CDC73: variants seen among roughly 807,000 people sequenced by gnomAD.
CDC73 encodes the protein parafibromin.
In CDC73, 21 loss-of-function variants were observed where a neutral mutation model predicts 83.7. The observed-to-expected ratio is 0.25, with a 90% CI of 0.18 to 0.36. The LOEUF is 0.36. CDC73 is among the 10% of genes least tolerant of loss of function. The pLI is 1.00. For missense variants in CDC73, 342 were observed against 653.3 expected (o/e 0.52, Z 5.19); for synonymous variants, 224 against 212.9 (o/e 1.05, Z -0.45).
Position 193,250,886 on chromosome 1 carries a change from T to C in CDC73, c.*174T>C. Reference sequence around the variant, plus strand: ...AAGCAAACTTTTTGGCTTACAACTATTTTTTTAATATTAGCCTTCTAGTCT... The same window carrying C: ...AAGCAAACTTTTTGGCTTACAACTACTTTTTTAATATTAGCCTTCTAGTCT... On this transcript the variant is annotated 3_prime_UTR_variant, in exon 17 of 17. Transcript: ENST00000367435. 1 of 622,250 alleles carries C rather than the reference T, an allele frequency of 1.6e-6. No homozygotes were observed. Among genetic ancestry groups the C allele is most frequent in the East Asian group, 2.8e-5 (1 of 35,976 alleles). 38.5% of individuals were successfully genotyped at this position (622,250 alleles called of 1,614,324 possible). A position where few individuals can be genotyped will look rare whatever the true frequency, so the allele number is the denominator to read the frequency against.
chr1:193,200,023 T>G (rs1250737399), intron 10 of CDC73, among the ~76,000 whole-genome samples: 1 of 151,134 alleles, frequency 6.6e-6, no homozygotes, highest in East Asian at 1.9e-4. Flanking sequence ...GCTCAGGAGT[T>G]TGATACCAGC....
chr1:193,137,165 A>G (rs1055943287), intron 5 of CDC73, among the ~76,000 whole-genome samples: 1 of 152,240 alleles, frequency 6.6e-6, no homozygotes, highest in African/African-American at 2.4e-5. Context: ...CTTTAAAATC[A>G]GTAGTAAGGA....
In CDC73 at chr1:193,122,156, C is replaced by T. The variant is rs778675107; in HGVS notation, c.-45C>T. The T allele has an allele frequency of 6.3e-7, 1 of 1,593,726 alleles. No homozygotes were observed. On this transcript the variant is annotated 5_prime_UTR_variant, in exon 1 of 17. Coordinates refer to ENST00000367435, the MANE Select transcript of CDC73 (RefSeq NM_024529.5). ...CAAGAGAAGAAGGAGGCAGGCGCGG[C>T]GGCAGCGGCGGCGCCCCGAGCCGGC...
chr1:193,234,905 T>TG (rs1308306649), intron 14 of CDC73, among the ~76,000 whole-genome samples: 6 of 7,964 alleles, frequency 7.5e-4, no homozygotes, highest in Admixed American at 4.7e-3. Context: ...AGATTTTTTT[T>TG]AATTTTTTAT....
intron 15 of CDC73, among the ~76,000 whole-genome samples, chr1:193,236,573 A>C (rs1031047595): frequency 1.3e-5 from 2 of 152,162 alleles, no homozygotes; most frequent in African/African-American, 2.4e-5. Flanking sequence ...TGCCTATCCC[A>C]CAACATTACT....
intron 6 of CDC73, among the ~76,000 whole-genome samples, chr1:193,140,118 T>G (rs1675879483): frequency 6.6e-6 from 1 of 152,134 alleles, no homozygotes; most frequent in Non-Finnish European, 1.5e-5. Flanking sequence ...CTACATGGGT[T>G]CTCCTCCCAA....
At chr1:193,148,993 AC>A (rs1414914529) in intron 8 of CDC73, among the ~76,000 whole-genome samples, 1 of 152,150 alleles carries the variant, frequency 6.6e-6, no homozygotes, top group Non-Finnish European at 1.5e-5. Flanking sequence ...AGCCTTTGCA[AC>A]TACTTTGTAG....
intron 13 of CDC73, among the ~76,000 whole-genome samples, chr1:193,219,114 G>A (rs530695728): frequency 3.9e-5 from 6 of 152,244 alleles, no homozygotes; most frequent in African/African-American, 1.4e-4. Context: ...TATACACATG[G>A]CCAACAAACA....
At chr1:193,211,324 G>T (rs967574557) in intron 11 of CDC73, among the ~76,000 whole-genome samples, 2 of 152,198 alleles carry the variant, frequency 1.3e-5, no homozygotes, top group African/African-American at 4.8e-5. Flanking sequence ...AAAGGCAAAA[G>T]TAGCACGAAT....
intron 10 of CDC73, among the ~76,000 whole-genome samples, chr1:193,173,034 A>G (rs1333370474): frequency 1.3e-5 from 2 of 152,176 alleles, no homozygotes; most frequent in Admixed American, 1.3e-4. Flanking sequence ...TGGTGGAGAA[A>G]AGAGGAAAAT....
At chr1:193,220,724 G>A (rs972732690) in intron 13 of CDC73, among the ~76,000 whole-genome samples, 1 of 152,100 alleles carries the variant, frequency 6.6e-6, no homozygotes, top group Non-Finnish European at 1.5e-5. Flanking sequence ...CATTAATAGT[G>A]TGGCTTTTAT....
In CDC73 at chr1:193,236,292, A is replaced by G. The variant is rs1677756910; in HGVS notation, c.1353A>G (p.Ala451=). 6.2e-7 allele frequency: 1 copy of G among 1,614,106 alleles called. No homozygotes were observed. Among genetic ancestry groups the G allele is most frequent in the East Asian group, 2.2e-5 (1 of 44,880 alleles). Reference sequence around the variant, plus strand: ...TAGCCGTTTTTGTGCAGGGTCCTGCATGGCAGTTCAAAGGTTGGCCATGGC... The same window carrying G: ...TAGCCGTTTTTGTGCAGGGTCCTGCGTGGCAGTTCAAAGGTTGGCCATGGC... ...RVVAVFVQGP[A]WQFKGWPWLL... is the part of the protein sequence containing the mutation. Residue 451 remains alanine, a synonymous_variant, in exon 15 of 17, where the codon GCA becomes GCG. Coordinates refer to ENST00000367435, the MANE Select transcript of CDC73 (RefSeq NM_024529.5).
intron 13 of CDC73, among the ~76,000 whole-genome samples, chr1:193,230,474 T>A (rs915600500): frequency 1.4e-5 from 2 of 145,844 alleles, no homozygotes; most frequent in African/African-American, 5.1e-5. Context: ...TTTTTTTTTT[T>A]TTTTTTTTTT....
At chr1:193,152,348 A>C (rs751324680) in intron 9 of CDC73, 32 bp from the exon 10 acceptor site, 61 of 1,447,084 alleles carry the variant, frequency 4.2e-5, no homozygotes, top group Non-Finnish European at 5.7e-5. Flanking sequence ...TGATCTATAA[A>C]ATCTTAACAA....
At chr1:193,160,034 T>G (rs899530172) in intron 10 of CDC73, among the ~76,000 whole-genome samples, 2 of 152,184 alleles carry the variant, frequency 1.3e-5, no homozygotes, top group African/African-American at 4.8e-5. Flanking sequence ...ATATCTTAAC[T>G]GAGATTTATT....
At chr1:193,132,036 C>G (rs1675704916) in intron 3 of CDC73, among the ~76,000 whole-genome samples, 4 of 152,148 alleles carry the variant, frequency 2.6e-5, no homozygotes, top group Admixed American at 2.0e-4. Context: ...AATAGTGGTG[C>G]ATGGTAGGTT....
At chr1:193,238,113 T>C (rs1350772005) in intron 15 of CDC73, among the ~76,000 whole-genome samples, 1 of 152,198 alleles carries the variant, frequency 6.6e-6, no homozygotes, top group Non-Finnish European at 1.5e-5. Context: ...TTTGTTCAAA[T>C]TTAGTCTTCT....
At chr1:193,216,647 A>AG (rs1419276611) in intron 13 of CDC73, among the ~76,000 whole-genome samples, 1 of 151,584 alleles carries the variant, frequency 6.6e-6, no homozygotes, top group Non-Finnish European at 1.5e-5. Context: ...ATTAAAAAAA[A>AG]AAAAAACCTG....
intron 13 of CDC73, among the ~76,000 whole-genome samples, chr1:193,214,320 A>G (rs1185341323): frequency 1.3e-5 from 2 of 152,234 alleles, no homozygotes; most frequent in African/African-American, 2.4e-5. Context: ...AGTGTACCAG[A>G]TAGTATAACC....
Sources: gnomAD v4.1 joint callset for allele counts (sites outside exome capture counted in the v4.1 genomes callset) on GRCh38, gnomAD v4.1.1 for gene constraint, MANE v1.5 for transcripts, NCBI Gene and HGNC (gene_info 2026-07-23, HGNC 2026-07-21) for gene names.